The following THAP2 variants were observed in gnomAD, a reference collection of about 807,000 sequenced individuals.
THAP2 encodes the protein THAP domain-containing protein 2.
Under a neutral mutation model 18.8 loss-of-function variants are expected in THAP2, and 16 were observed. The ratio of observed to expected loss-of-function variants is 0.85; its 90% confidence interval spans 0.58 to 1.29. THAP2 has a LOEUF of 1.29. Among genes scored for constraint, THAP2 ranks in the 50% most tolerant of loss-of-function variants. The pLI, the probability that THAP2 is intolerant of heterozygous loss-of-function variation, is 0.00. For missense variants in THAP2, 251 were observed against 265.3 expected (o/e 0.95, Z 0.38); for synonymous variants, 80 against 89.2 (o/e 0.90, Z 0.58).
rs576737219 is a variant in THAP2 at position 71,677,012 on chromosome 12, T to G, written c.591T>G (p.Ser197Arg). 1.2e-6 allele frequency: 2 copies of G among 1,613,566 alleles called. No individual in the cohort carries two copies. Among genetic ancestry groups the G allele is most frequent in the African/African-American group, 1.3e-5 (1 of 75,038 alleles). ...SEHMLPTALS[S>R]LPLEDFKILE... is the part of the protein sequence containing the mutation. Reference sequence around the variant, plus strand: ...ACATGTTACCAACTGCCTTAAGCAGTCTTCCTTTGGAAGATTTTAAGATCC... The same window carrying G: ...ACATGTTACCAACTGCCTTAAGCAGGCTTCCTTTGGAAGATTTTAAGATCC... Residue 197 changes from serine (S) to arginine (R), a missense_variant, in exon 3 of 3, where the codon AGT becomes AGG. Transcript: ENST00000308086.
intron 1 of THAP2, among the ~76,000 whole-genome samples, chr12:71,669,319 G>C (rs530109494): frequency 3.5e-4 from 54 of 152,308 alleles, no homozygotes; most frequent in Admixed American, 3.1e-3. Context: ...TTCCTAAACA[G>C]TCTTAAGTAG....
At chr12:71,670,613 G>A (rs899597985) in intron 1 of THAP2, among the ~76,000 whole-genome samples, 1 of 152,046 alleles carries the variant, frequency 6.6e-6, no homozygotes, top group Non-Finnish European at 1.5e-5. Context: ...AGTATTCTTA[G>A]AATAAAGTAA....
At position 71,676,944 on chromosome 12, in the gene THAP2, A is replaced by G; in HGVS notation, c.523A>G (p.Asn175Asp). 1 of 1,613,838 alleles carries G rather than the reference A, an allele frequency of 6.2e-7. No individual in the cohort carries two copies. Among genetic ancestry groups the G allele is most frequent in the South Asian group, 1.1e-5 (1 of 91,076 alleles). The stretch of plus-strand genomic sequence containing the variant: ...GATCAAAGCCACGTGTTTGGTAAAG[A>G]ATTTAGAAGCAAATAGTGTATTACC... The part of the protein sequence containing the change: ...RWIKATCLVK[N>D]LEANSVLPKG... Residue 175 changes from asparagine to aspartate, a missense_variant, in exon 3 of 3, where the codon AAT (asparagine) becomes GAT (aspartate). Asn to Asp is a conservative substitution (Grantham distance 23). Coordinates refer to ENST00000308086, the MANE Select transcript of THAP2 (RefSeq NM_031435.4).
At chr12:71,672,804 C>A (rs780104458) in intron 1 of THAP2, among the ~76,000 whole-genome samples, 6 of 152,098 alleles carry the variant, frequency 3.9e-5, no homozygotes, top group Admixed American at 2.0e-4. Flanking sequence ...TCACTAATGG[C>A]ACTTCATATG....
rs531622384 is a variant in THAP2, at chr12:71,679,330, G to A, written c.*2222G>A. 2 of 152,048 alleles carry A rather than the reference G, an allele frequency of 1.3e-5. No homozygotes were observed. The highest frequency in any genetic ancestry group is 4.8e-5 in the African/African-American group (2 of 41,410). 9.4% of individuals were successfully genotyped at this position (152,048 alleles called of 1,614,324 possible). A position where few individuals can be genotyped will look rare whatever the true frequency, so the allele number is the denominator to read the frequency against. ...TTTCATTGTGCTGTCCTGACAACAT[G>A]CTCCAAACTCTTTGCATCAAATTGT... On this transcript the variant is annotated 3_prime_UTR_variant, in exon 3 of 3. Coordinates refer to ENST00000308086, the MANE Select transcript of THAP2 (RefSeq NM_031435.4).
chr12:71,672,346 T>A (rs1390693333), intron 1 of THAP2, among the ~76,000 whole-genome samples: 1 of 152,202 alleles, frequency 6.6e-6, no homozygotes, highest in African/African-American at 2.4e-5. Flanking sequence ...TTATCAAACA[T>A]CCTCTGATGG....
At chr12:71,676,546 A>G (rs1208441005) in intron 2 of THAP2, 143 bp from the exon 3 acceptor site, 2 of 753,902 alleles carry the variant, frequency 2.7e-6, no homozygotes, top group African/African-American at 1.8e-5. Context: ...ATTACATGAG[A>G]TGGCTGCTGC....
chr12:71,676,801 C>A lies in THAP2; in HGVS notation c.380C>A (p.Ala127Asp). 1.2e-6 allele frequency: 2 copies of A among 1,613,498 alleles called. No homozygotes were observed. Among genetic ancestry groups the A allele is most frequent in the Non-Finnish European group, 1.7e-6 (2 of 1,179,612 alleles). Residue 127 changes from alanine (A) to aspartate (D), a missense_variant, in exon 3 of 3, where the codon GCC becomes GAC. By Grantham distance (126) the Ala-to-Asp change is moderately radical. Coordinates refer to ENST00000308086, the MANE Select transcript of THAP2 (RefSeq NM_031435.4). Reference protein sequence around the residue: ...SQQVLLEHSYAFRNPMEAKKR... With the variant: ...SQQVLLEHSYDFRNPMEAKKR... Reference sequence around the variant, plus strand: ...CAAGTACTACTTGAACACAGCTATGCCTTTAGGAATCCTATGGAGGCAAAA... The same window carrying A: ...CAAGTACTACTTGAACACAGCTATGACTTTAGGAATCCTATGGAGGCAAAA...
chr12:71,666,406 C>T (rs904775757), intron 1 of THAP2, among the ~76,000 whole-genome samples: 10 of 151,868 alleles, frequency 6.6e-5, no homozygotes, highest in African/African-American at 2.2e-4. Context: ...CCAGCTACTC[C>T]GGAGGCTGAG....
Position 71,664,875 on chromosome 12 carries a change from C to A in THAP2, c.71+295C>A, listed in dbSNP as rs145619758. 3.4e-5 allele frequency: 24 copies of A among 702,420 alleles called. No homozygotes were observed. The East Asian group carries it at 6.2e-4, about 18-fold the overall frequency. The allele number at this position is 702,420 out of a possible 1,614,324, so 43.5% of individuals were successfully genotyped here. On this transcript the variant is annotated intron_variant, in intron 1 of 2. Transcript: ENST00000308086. Reference sequence around the variant, plus strand: ...TGTTTTATTCCTCTGTTAGACCGGGCCTTGACATGAATGACGCCGTAAGGG... The same window carrying A: ...TGTTTTATTCCTCTGTTAGACCGGGACTTGACATGAATGACGCCGTAAGGG...
At position 71,664,454 on chromosome 12, in the gene THAP2, T is replaced by A. The variant is rs981627607; in HGVS notation, c.-56T>A. The A allele has an allele frequency of 1.9e-6, 3 of 1,607,942 alleles. No individual in the cohort carries two copies. The highest frequency in any genetic ancestry group is 2.6e-6 in the Non-Finnish European group (3 of 1,175,012). On this transcript the variant is annotated 5_prime_UTR_variant, in exon 1 of 3. Transcript: ENST00000308086. ...TGTCCAGCCTCTGCCAGAAGAAAGC[T>A]TAGCAGCCAGCGCCTCAGTAGAGAC...
chr12:71,671,222 C>T (rs1184033763), intron 1 of THAP2, among the ~76,000 whole-genome samples: 1 of 152,176 alleles, frequency 6.6e-6, no homozygotes, highest in Admixed American at 6.5e-5. Context: ...ACCAATCCTT[C>T]TTCCCTGTTT....
chr12:71,674,996 G>C (rs1222660512), intron 2 of THAP2, among the ~76,000 whole-genome samples: 1 of 149,220 alleles, frequency 6.7e-6, no homozygotes, highest in African/African-American at 2.5e-5. Flanking sequence ...AAAAAATGAA[G>C]CAAAAAAAAG....
In THAP2 at chr12:71,676,998, A is replaced by G. The variant is rs143111223; in HGVS notation, c.577A>G (p.Thr193Ala). Residue 193 changes from threonine to alanine, a missense_variant, in exon 3 of 3, where the codon ACT (threonine) becomes GCT (alanine). Physicochemically the swap from Thr to Ala is moderately conservative, Grantham distance 58. Coordinates refer to ENST00000308086, the MANE Select transcript of THAP2 (RefSeq NM_031435.4). ...AGGTACATCAGAACACATGTTACCA[A>G]CTGCCTTAAGCAGTCTTCCTTTGGA... ...PKGTSEHMLP[T>A]ALSSLPLEDF... 42 of 1,613,688 alleles carry G rather than the reference A, an allele frequency of 2.6e-5. No homozygotes were observed. The East Asian group carries it at 9.1e-4, about 35-fold the overall frequency.
chr12:71,674,212 G>GGATC lies in THAP2; in HGVS notation c.82_85dup (p.Pro29ArgfsTer3). ...TTTTTTTTTTTTTAAGGTTTCCTTT[G>GGATC]GATCCTAAAAGAAGAAAAGAATGGG... On this transcript the variant is annotated frameshift_variant, in exon 2 of 3. Transcript: ENST00000308086. LOFTEE classifies it high-confidence loss of function. 1 of 1,570,414 alleles carries GGATC rather than the reference G, an allele frequency of 6.4e-7. No homozygotes were observed. Among genetic ancestry groups the GGATC allele is most frequent in the Non-Finnish European group, 8.6e-7 (1 of 1,161,164 alleles).
intron 1 of THAP2, chr12:71,664,917 A>C: frequency 2.8e-6 from 2 of 702,402 alleles, no homozygotes; most frequent in South Asian, 3.0e-5. Flanking sequence ...AGATCTTCCC[A>C]ATCAGCAATC....
At chr12:71,670,652 A>G (rs1429610428) in intron 1 of THAP2, among the ~76,000 whole-genome samples, 1 of 152,144 alleles carries the variant, frequency 6.6e-6, no homozygotes, top group Non-Finnish European at 1.5e-5. Flanking sequence ...TTATTAAGAA[A>G]ATCCTGCCGG....
chr12:71,670,474 G>C (rs1881417543), intron 1 of THAP2, among the ~76,000 whole-genome samples: 3 of 152,148 alleles, frequency 2.0e-5, no homozygotes, highest in African/African-American at 7.2e-5. Flanking sequence ...GTTTAGGGGT[G>C]CAGAAGCTCC....
At chr12:71,664,790 A>G in intron 1 of THAP2, 1 of 721,378 alleles carries the variant, frequency 1.4e-6, no homozygotes, top group East Asian at 2.7e-5. Flanking sequence ...AAATCCAAGT[A>G]CTGTTTGGTC....
Sources: gnomAD v4.1 joint callset for allele counts (sites outside exome capture counted in the v4.1 genomes callset) on GRCh38, gnomAD v4.1.1 for gene constraint, MANE v1.5 for transcripts, NCBI Gene and HGNC (gene_info 2026-07-23, HGNC 2026-07-21) for gene names.